Variants in LEKR1 observed in about 807,000 individuals in gnomAD.
LEKR1 encodes leucine, glutamate and lysine rich 1, also known as protein LEKR1.
LEKR1 carries 59 observed loss-of-function variants against 72.4 expected under a neutral mutation model. That is an observed-to-expected ratio of 0.82 (90% CI 0.66 to 1.01). The LOEUF (loss-of-function observed/expected upper bound fraction) is 1.01, where lower values mean the gene tolerates loss of function less well. LEKR1 is among the 50% of genes least tolerant of loss of function. The probability of loss-of-function intolerance (pLI) is 0.00; values close to 1 mark genes in which losing one functional copy is unlikely to be tolerated. For synonymous variants in LEKR1, 257 were observed against 263.2 expected, an observed-to-expected ratio of 0.98 and a Z score of 0.23; for missense variants, 728 against 759.2, an observed-to-expected ratio of 0.96 and a Z score of 0.48.
At chr3:156,866,055 A>G (rs1717276312) in intron 3 of LEKR1, among the ~76,000 whole-genome samples, 1 of 152,024 alleles carries the variant, frequency 6.6e-6, no homozygotes, top group African/African-American at 2.4e-5. Context: ...TCTTTGCTTT[A>G]TCTATTTCTA....
intron 3 of LEKR1, among the ~76,000 whole-genome samples, chr3:156,898,908 A>G (rs940386338): frequency 8.5e-5 from 13 of 152,204 alleles, no homozygotes; most frequent in African/African-American, 2.9e-4. Context: ...AGGATTCCTC[A>G]AAAGGTTTAA....
Position 156,913,218 on chromosome 3 carries a change from T to C in LEKR1, c.264-7357T>C, listed in dbSNP as rs954606877. Among the ~76,000 whole-genome samples, 7 of 152,230 alleles carry C rather than the reference T, an allele frequency of 4.6e-5. No homozygotes were observed. In the South Asian group the frequency reaches 8.3e-4, roughly 18 times the overall value. On this transcript the variant is annotated intron_variant, in intron 3 of 12. Coordinates refer to ENST00000356539, the MANE Select transcript of LEKR1 (RefSeq NM_001004316.3). ...ATAGCACTGAATCTATAAGTTTCTT[T>C]TTGCAGTATGGCTATTTTAACGATA... is the stretch of plus-strand genomic sequence containing the variant.
At chr3:156,971,045 C>T (rs922674731) in intron 6 of LEKR1, among the ~76,000 whole-genome samples, 114 of 151,958 alleles carry the variant, frequency 7.5e-4, no homozygotes, top group African/African-American at 2.4e-3. Context: ...AATCCTAAGC[C>T]AAAAGAACAA....
chr3:156,860,928 A>T (rs1289729239), intron 3 of LEKR1, among the ~76,000 whole-genome samples: 2 of 152,136 alleles, frequency 1.3e-5, no homozygotes, highest in Non-Finnish European at 2.9e-5. Flanking sequence ...ATCATGTTTA[A>T]TTTCTAGGCA....
At chr3:157,032,340 A>C (rs564987243) in intron 12 of LEKR1, among the ~76,000 whole-genome samples, 1 of 152,194 alleles carries the variant, frequency 6.6e-6, no homozygotes, top group African/African-American at 2.4e-5. Flanking sequence ...TTGTTTGAAG[A>C]CCACACATAA....
intron 6 of LEKR1, among the ~76,000 whole-genome samples, chr3:156,978,521 A>G (rs1332892737): frequency 1.3e-5 from 2 of 152,172 alleles, no homozygotes; most frequent in Non-Finnish European, 2.9e-5. Context: ...AGGACAATGG[A>G]AGGACTTAGA....
chr3:156,838,339 G>A (rs536912194), intron 2 of LEKR1, among the ~76,000 whole-genome samples: 5 of 152,214 alleles, frequency 3.3e-5, no homozygotes, highest in South Asian at 4.2e-4. Context: ...ATACAAATAC[G>A]CACAATGAGA....
rs942618510 is a variant in LEKR1, at chr3:156,932,450, G to A, written c.559+4846G>A. ...GTATATCTATATTAGGCCATGTGTG[G>A]TGGCTCATGCCTAGCACTATGGGAG... On this transcript the variant is annotated intron_variant, in intron 5 of 12. Transcript: ENST00000356539. 4.6e-5 allele frequency among the ~76,000 whole-genome samples: 7 copies of A among 152,218 alleles called. No homozygotes were observed. In the South Asian group the frequency reaches 1.2e-3, roughly 27 times the overall value.
chr3:156,889,300 GA>G (rs34030934), intron 3 of LEKR1, among the ~76,000 whole-genome samples: 58 of 145,462 alleles, frequency 4.0e-4, no homozygotes, highest in African/African-American at 5.8e-4. Context: ...TGTTGTTGCT[GA>G]AAAAAAAAAA....
chr3:156,885,282 C>T (rs1719932282), intron 3 of LEKR1, among the ~76,000 whole-genome samples: 1 of 152,140 alleles, frequency 6.6e-6, no homozygotes. Flanking sequence ...TTTTATTTGG[C>T]AATTCAGAGA....
intron 6 of LEKR1, among the ~76,000 whole-genome samples, chr3:156,973,412 T>C (rs1176700141): frequency 6.6e-6 from 1 of 152,088 alleles, no homozygotes; most frequent in African/African-American, 2.4e-5. Flanking sequence ...TGAAACTAGA[T>C]GAAATTATCT....
chr3:156,935,040 A>G (rs940216257), intron 5 of LEKR1, among the ~76,000 whole-genome samples: 5 of 152,180 alleles, frequency 3.3e-5, no homozygotes, highest in Non-Finnish European at 5.9e-5. Flanking sequence ...GTTAATTCCT[A>G]GAAGTGGAAT....
intron 6 of LEKR1, among the ~76,000 whole-genome samples, chr3:156,956,917 T>C (rs1050208440): frequency 3.9e-5 from 6 of 151,986 alleles, no homozygotes; most frequent in Non-Finnish European, 8.8e-5. Flanking sequence ...CACAAAATGT[T>C]CAATTACTAA....
At chr3:156,963,525 T>C (rs1474253860) in intron 6 of LEKR1, among the ~76,000 whole-genome samples, 6 of 152,088 alleles carry the variant, frequency 3.9e-5, no homozygotes, top group Non-Finnish European at 8.8e-5. Flanking sequence ...TTGCCCAATG[T>C]CTCTTACCTC....
chr3:156,905,643 C>T (rs1242228769), intron 3 of LEKR1, among the ~76,000 whole-genome samples: 1 of 152,084 alleles, frequency 6.6e-6, no homozygotes, highest in Non-Finnish European at 1.5e-5. Flanking sequence ...GAGTTCTCTG[C>T]AAAATAAGAG....
At chr3:156,876,169 T>C (rs1718552134) in intron 3 of LEKR1, among the ~76,000 whole-genome samples, 1 of 152,196 alleles carries the variant, frequency 6.6e-6, no homozygotes, top group African/African-American at 2.4e-5. Context: ...CTGGGTTCTC[T>C]CTTCTGTTCC....
At chr3:156,910,094 A>C (rs1722962733) in intron 3 of LEKR1, among the ~76,000 whole-genome samples, 1 of 152,180 alleles carries the variant, frequency 6.6e-6, no homozygotes, top group African/African-American at 2.4e-5. Context: ...ATGAAAAAAG[A>C]GGATTCCTTA....
intron 6 of LEKR1, among the ~76,000 whole-genome samples, 184 bp from the exon 7 acceptor site, chr3:156,979,010 G>A (rs1413360938): frequency 6.6e-6 from 1 of 152,182 alleles, no homozygotes; most frequent in Non-Finnish European, 1.5e-5. Flanking sequence ...AGTCTGTGGG[G>A]TGTTAGGATA....
At chr3:156,985,429 A>C (rs867007712) in intron 7 of LEKR1, among the ~76,000 whole-genome samples, 2 of 152,188 alleles carry the variant, frequency 1.3e-5, no homozygotes, top group Non-Finnish European at 2.9e-5. Context: ...AGTTCAAAAA[A>C]CATGAAGGCC....
Sources: allele counts gnomAD v4.1 joint callset (sites outside exome capture counted in the v4.1 genomes callset), GRCh38; gene constraint gnomAD v4.1.1; transcripts MANE v1.5; gene names NCBI Gene and HGNC (gene_info 2026-07-23, HGNC 2026-07-21).